The following NAA25 variants were observed in gnomAD, a reference collection of about 807,000 sequenced individuals.
The protein encoded by NAA25 is N-alpha-acetyltransferase 25, NatB auxiliary subunit.
In NAA25, 30 loss-of-function variants were observed where a neutral mutation model predicts 132.5. The observed-to-expected ratio is 0.23, with a 90% CI of 0.17 to 0.31. The LOEUF (loss-of-function observed/expected upper bound fraction) is 0.31, where lower values mean the gene tolerates loss of function less well. Ranked by LOEUF, NAA25 falls within the 10% of genes least tolerant of loss-of-function variation. NAA25 has a pLI of 1.00. For synonymous variants in NAA25, 359 were observed against 401.9 expected, an observed-to-expected ratio of 0.89 and a Z score of 1.28; for missense variants, 771 against 1,150.4, an observed-to-expected ratio of 0.67 and a Z score of 4.77.
At chr12:112,082,803 G>T (rs553850338) in intron 4 of NAA25, among the ~76,000 whole-genome samples, 1 of 141,476 alleles carries the variant, frequency 7.1e-6, no homozygotes, top group African/African-American at 2.6e-5. Flanking sequence ...TGGGGGGTGC[G>T]GGGTGTGGTA....
chr12:112,055,782 G>A (rs2078535195), intron 13 of NAA25, among the ~76,000 whole-genome samples: 1 of 151,766 alleles, frequency 6.6e-6, no homozygotes. Flanking sequence ...AAAAAAGTGA[G>A]ATTTTAAGTA....
rs773307662 is a variant in NAA25 at position 112,054,575 on chromosome 12, C to G, written c.1448-7G>C. ...CACACAGTGGTCTCATCACCTAGAACCAAAATACAGCATTATCCACTGATC... is the reference window on the plus strand; with the variant it reads ...CACACAGTGGTCTCATCACCTAGAAGCAAAATACAGCATTATCCACTGATC... On this transcript the variant is annotated splice_region_variant and splice_polypyrimidine_tract_variant and intron_variant, in intron 13 of 23. Transcript: ENST00000261745. 7.4e-6 allele frequency: 12 copies of G among 1,611,734 alleles called. No individual in the cohort carries two copies. Among genetic ancestry groups the G allele is most frequent in the Non-Finnish European group, 6.8e-6 (8 of 1,179,156 alleles).
chr12:112,077,913 G>C (rs2078916550), intron 7 of NAA25, among the ~76,000 whole-genome samples: 1 of 151,662 alleles, frequency 6.6e-6, no homozygotes, highest in East Asian at 1.9e-4. Context: ...ATCTTTACAA[G>C]AATATAAAGT....
chr12:112,106,607 C>A (rs1321944314), intron 1 of NAA25, among the ~76,000 whole-genome samples: 1 of 152,116 alleles, frequency 6.6e-6, no homozygotes, highest in Non-Finnish European at 1.5e-5. Context: ...TGTGTGACCT[C>A]AGGCAAATCA....
intron 2 of NAA25, 92 bp from the exon 3 acceptor site, chr12:112,090,956 T>C (rs958141159): frequency 1.9e-5 from 24 of 1,256,700 alleles, no homozygotes; most frequent in Non-Finnish European, 2.7e-5. Flanking sequence ...AGTATTAAGT[T>C]ATGCCTAGGT....
chr12:112,040,297 C>A, intron 21 of NAA25, 184 bp downstream of exon 21: 7 of 476,624 alleles, frequency 1.5e-5, no homozygotes, highest in Non-Finnish European at 2.6e-5. Context: ...TGAATGAAAT[C>A]ATCTTAGAAT....
intron 15 of NAA25, among the ~76,000 whole-genome samples, chr12:112,050,746 CT>C (rs1005802563): frequency 6.6e-6 from 1 of 152,044 alleles, no homozygotes. Context: ...ACGTAAGTGA[CT>C]TTTAAAGATA....
At position 112,027,935 on chromosome 12, in the gene NAA25, A is replaced by G. The variant is rs2078104499; in HGVS notation, c.*1596T>C. 6.6e-6 allele frequency: 1 copy of G among 152,226 alleles called. No individual in the cohort carries two copies. Among genetic ancestry groups the G allele is most frequent in the East Asian group, 1.9e-4 (1 of 5,198 alleles). The allele number at this position is 152,226 out of a possible 1,614,324, so 9.4% of individuals were successfully genotyped here. Reference sequence around the variant, plus strand: ...AGCTGTTGCTACTCATATCAAAAATAAATTTTTGAAATTAGTTGATGGACT... The same window carrying G: ...AGCTGTTGCTACTCATATCAAAAATGAATTTTTGAAATTAGTTGATGGACT... On this transcript the variant is annotated 3_prime_UTR_variant, in exon 24 of 24. Transcript: ENST00000261745.
intron 4 of NAA25, among the ~76,000 whole-genome samples, chr12:112,084,387 A>T (rs1319608359): frequency 6.6e-6 from 1 of 152,260 alleles, no homozygotes; most frequent in Non-Finnish European, 1.5e-5. Flanking sequence ...ACATGACATT[A>T]AATGTGTGAA....
At chr12:112,036,415 A>G (rs1318505293) in intron 22 of NAA25, among the ~76,000 whole-genome samples, 4 of 152,206 alleles carry the variant, frequency 2.6e-5, no homozygotes, top group Non-Finnish European at 2.9e-5. Flanking sequence ...GAAACAACAA[A>G]TAAATATATT....
At position 112,042,072 on chromosome 12, in the gene NAA25, T is replaced by C; in HGVS notation, c.2407A>G (p.Asn803Asp). ...DTMEIQERIENSFKSLLDQLK... is the reference protein window; with the variant it reads ...DTMEIQERIEDSFKSLLDQLK... ...TGGTCTAGTAAAGACTTAAAACTAT[T>C]TTCTATTCGTTCCTGAATCTCCATT... is the stretch of plus-strand genomic sequence containing the variant. The change falls in exon 20 of 24, where the codon AAT (asparagine) becomes GAT (aspartate). Residue 803 changes from asparagine to aspartate, a missense_variant. By Grantham distance (23) the Asn-to-Asp change is conservative (BLOSUM62 1). Transcript: ENST00000261745. The C allele has an allele frequency of 1.3e-6, 2 of 1,487,738 alleles. No homozygotes were observed. Among genetic ancestry groups the C allele is most frequent in the Non-Finnish European group, 1.8e-6 (2 of 1,120,974 alleles). The allele number at this position is 1,487,738 out of a possible 1,614,324, so 92.2% of individuals were successfully genotyped here.
chr12:112,069,392 T>A (rs1354596613), intron 10 of NAA25, among the ~76,000 whole-genome samples: 1 of 152,076 alleles, frequency 6.6e-6, no homozygotes, highest in African/African-American at 2.4e-5. Context: ...TAATCCCAAC[T>A]GCTTGAGAGG....
Position 112,029,413 on chromosome 12 carries a change from C to T in NAA25, c.*118G>A. ...AAAAAAATTCACGATCAAAGTCCTT[C>T]ATGCATTTTATGAGGAAGTTCTGGA... On this transcript the variant is annotated 3_prime_UTR_variant, in exon 24 of 24. Coordinates refer to ENST00000261745, the MANE Select transcript of NAA25 (RefSeq NM_024953.4). 6.7e-7 allele frequency: 1 copy of T among 1,496,546 alleles called. No homozygotes were observed. Among genetic ancestry groups the T allele is most frequent in the Non-Finnish European group, 9.0e-7 (1 of 1,105,480 alleles). 92.7% of individuals were successfully genotyped at this position (1,496,546 alleles called of 1,614,324 possible). A position where few individuals can be genotyped will look rare whatever the true frequency, so the allele number is the denominator to read the frequency against.
intron 1 of NAA25, among the ~76,000 whole-genome samples, chr12:112,107,671 G>C (rs2079382600): frequency 6.6e-6 from 1 of 152,020 alleles, no homozygotes; most frequent in Non-Finnish European, 1.5e-5. Flanking sequence ...TCCCACCTTG[G>C]AGAGAAGCCT....
intron 17 of NAA25, 91 bp from the exon 18 acceptor site, chr12:112,043,959 G>C (rs2078337588): frequency 1.5e-6 from 2 of 1,314,730 alleles, no homozygotes; most frequent in South Asian, 1.4e-5. Context: ...ACAGAGTCTT[G>C]ATCTGTCGCC....
intron 22 of NAA25, among the ~76,000 whole-genome samples, chr12:112,037,388 C>A (rs973071925): frequency 5.2e-4 from 70 of 135,602 alleles, no homozygotes; most frequent in Non-Finnish European, 8.2e-4. Context: ...AAAATAATAG[C>A]AGCTGATAAA....
chr12:112,102,707 A>G (rs1438724799), intron 1 of NAA25, among the ~76,000 whole-genome samples: 3 of 12,158 alleles, frequency 2.5e-4, no homozygotes, highest in South Asian at 4.7e-3. Flanking sequence ...CGCCCCCCGC[A>G]ATGGAGTCTC....
chr12:112,075,568 TA>T, intron 8 of NAA25, 109 bp downstream of exon 8: 1 of 818,202 alleles, frequency 1.2e-6, no homozygotes, highest in Non-Finnish European at 2.0e-6. Context: ...ACAACTACTA[TA>T]AGAAGACTTT....
chr12:112,033,844 A>G (rs2078185375), intron 22 of NAA25: 1 of 152,282 alleles, frequency 6.6e-6, no homozygotes, highest in African/African-American at 2.4e-5. Context: ...TTATGTTAAG[A>G]ACCCAGTAGC....
Sources: allele counts gnomAD v4.1 joint callset (sites outside exome capture counted in the v4.1 genomes callset), GRCh38; gene constraint gnomAD v4.1.1; transcripts MANE v1.5; gene names NCBI Gene and HGNC (gene_info 2026-07-23, HGNC 2026-07-21).